Variants in SRP68 observed in about 807,000 individuals in gnomAD.
SRP68 encodes the protein signal recognition particle subunit SRP68.
A neutral mutation model predicts 82.2 loss-of-function variants in SRP68; 15 were observed. The ratio of observed to expected loss-of-function variants is 0.18; its 90% CI spans 0.12 to 0.28. The LOEUF (loss-of-function observed/expected upper bound fraction) is 0.28, where lower values mean the gene tolerates loss of function less well. SRP68 is among the 10% of genes least tolerant of loss of function. SRP68 has a pLI of 1.00. For synonymous variants in SRP68, 261 were observed against 292.6 expected (o/e 0.89, Z 1.10); for missense variants, 595 against 780.5 (o/e 0.76, Z 2.83).
At chr17:76,066,889 G>A (rs537440390) in intron 3 of SRP68, among the ~76,000 whole-genome samples, 17 of 151,956 alleles carry the variant, frequency 1.1e-4, no homozygotes, top group Non-Finnish European at 1.9e-4. Context: ...CACCATGCCC[G>A]GGTAATTTTT....
At chr17:76,057,309 G>T in intron 8 of SRP68, 94 bp downstream of exon 8, 1 of 1,491,410 alleles carries the variant, frequency 6.7e-7, no homozygotes, top group South Asian at 1.2e-5. Context: ...TTTGTTTTAT[G>T]AGAACTGAAT....
At chr17:76,068,294 A>G (rs2066822578) in intron 2 of SRP68, among the ~76,000 whole-genome samples, 1 of 144,124 alleles carries the variant, frequency 6.9e-6, no homozygotes, top group Non-Finnish European at 1.5e-5. Context: ...CTCCGTCTCG[A>G]AAAAAAAAAA....
chr17:76,044,459 G>A (rs983952237), intron 12 of SRP68, among the ~76,000 whole-genome samples: 1 of 152,178 alleles, frequency 6.6e-6, no homozygotes, highest in Non-Finnish European at 1.5e-5. Flanking sequence ...GAGTGAAGAC[G>A]GGGCATGCTG....
chr17:76,045,237 A>G (rs1366752270), intron 12 of SRP68, 55 bp downstream of exon 12: 1 of 1,406,418 alleles, frequency 7.1e-7, no homozygotes, highest in African/African-American at 1.4e-5. Context: ...TCATGCTCCC[A>G]ATGCTTATAG....
intron 8 of SRP68, among the ~76,000 whole-genome samples, chr17:76,050,844 C>T (rs917778256): frequency 4.6e-5 from 7 of 151,728 alleles, no homozygotes; most frequent in Admixed American, 2.0e-4. Flanking sequence ...TTCCCTGCAG[C>T]GCTTCACCCT....
rs543477355 is a variant in SRP68 at position 76,063,364 on chromosome 17, A to G, written c.561+612T>C. Among the ~76,000 whole-genome samples the G allele has an allele frequency of 2.6e-5, 4 of 152,308 alleles. No homozygotes were observed. The South Asian group carries it at 8.3e-4, about 32-fold the overall frequency. ...TACAAGATTGTAAGCTTTCATCTAT[A>G]TATCAAAACATGACCTTTCTTAAAA... On this transcript the variant is annotated intron_variant, in intron 4 of 15. Coordinates refer to ENST00000307877, the MANE Select transcript of SRP68 (RefSeq NM_014230.4).
chr17:76,072,154 C>T lies in SRP68; in HGVS notation c.184+154G>A. On this transcript the variant is annotated intron_variant, in intron 1 of 15. Transcript: ENST00000307877. The surrounding 1 kb of genome is among the most constrained non-coding windows in gnomAD (Gnocchi z 4.5). ...AAGACTAGTCGAGAGACAGACCCCC[C>T]CCGGAATTCTGAGCACCAAAAGGTA... 7.0e-7 allele frequency: 1 copy of T among 1,435,972 alleles called. No homozygotes were observed. Among genetic ancestry groups the T allele is most frequent in the Non-Finnish European group, 9.4e-7 (1 of 1,068,428 alleles). 89.0% of individuals were successfully genotyped at this position (1,435,972 alleles called of 1,614,324 possible). A position where few individuals can be genotyped will look rare whatever the true frequency, so the allele number is the denominator to read the frequency against.
rs576575690 is a variant in SRP68, at chr17:76,072,150, C to T, written c.184+158G>A. On this transcript the variant is annotated intron_variant, in intron 1 of 15. Coordinates refer to ENST00000307877, the MANE Select transcript of SRP68 (RefSeq NM_014230.4). This position sits in a 1 kb window ranked among gnomAD's most constrained non-coding sequence, Gnocchi z 4.5. Reference sequence around the variant, plus strand: ...AGGAAAGACTAGTCGAGAGACAGACCCCCCCCGGAATTCTGAGCACCAAAA... The same window carrying T: ...AGGAAAGACTAGTCGAGAGACAGACTCCCCCCGGAATTCTGAGCACCAAAA... The T allele has an allele frequency of 1.4e-6, 2 of 1,400,918 alleles. No homozygotes were observed. Among genetic ancestry groups the T allele is most frequent in the African/African-American group, 1.5e-5 (1 of 67,082 alleles). 86.8% of individuals were successfully genotyped at this position (1,400,918 alleles called of 1,614,324 possible).
intron 4 of SRP68, among the ~76,000 whole-genome samples, chr17:76,063,052 G>A (rs745621611): frequency 6.6e-6 from 1 of 151,562 alleles, no homozygotes; most frequent in Non-Finnish European, 1.5e-5. Flanking sequence ...TTACAGGCGT[G>A]AGCCACCACG....
intron 3 of SRP68, among the ~76,000 whole-genome samples, chr17:76,066,216 A>C (rs1598270347): frequency 1.3e-5 from 2 of 151,974 alleles, no homozygotes; most frequent in South Asian, 4.1e-4. Context: ...TTTGGAAGGC[A>C]AGAGGTGGGT....
chr17:76,072,139 G>A lies in SRP68; in HGVS notation c.184+169C>T, dbSNP rs1232889886. On this transcript the variant is annotated intron_variant, in intron 1 of 15. Coordinates refer to ENST00000307877, the MANE Select transcript of SRP68 (RefSeq NM_014230.4). The surrounding 1 kb of genome is among the most constrained non-coding windows in gnomAD (Gnocchi z 4.5). Reference sequence around the variant, plus strand: ...AGGGGGACACGAGGAAAGACTAGTCGAGAGACAGACCCCCCCCGGAATTCT... The same window carrying A: ...AGGGGGACACGAGGAAAGACTAGTCAAGAGACAGACCCCCCCCGGAATTCT... 8.4e-6 allele frequency: 11 copies of A among 1,315,446 alleles called. No individual in the cohort carries two copies. In the South Asian group the frequency reaches 1.2e-4, roughly 15 times the overall value. 81.5% of individuals were successfully genotyped at this position (1,315,446 alleles called of 1,614,324 possible).
Position 76,072,146 on chromosome 17 carries a change from A to C in SRP68, c.184+162T>G. On this transcript the variant is annotated intron_variant, in intron 1 of 15. Transcript: ENST00000307877. The surrounding 1 kb of genome is among the most constrained non-coding windows in gnomAD (Gnocchi z 4.5). ...CACGAGGAAAGACTAGTCGAGAGAC[A>C]GACCCCCCCCGGAATTCTGAGCACC... 5 of 1,280,038 alleles carry C rather than the reference A, an allele frequency of 3.9e-6. No homozygotes were observed. The highest frequency in any genetic ancestry group is 5.3e-6 in the Non-Finnish European group (5 of 944,408). 79.3% of individuals were successfully genotyped at this position (1,280,038 alleles called of 1,614,324 possible).
chr17:76,057,702 T>C (rs2066722281), intron 7 of SRP68, among the ~76,000 whole-genome samples, 159 bp from the exon 8 acceptor site: 2 of 152,196 alleles, frequency 1.3e-5, no homozygotes, highest in South Asian at 4.1e-4. Flanking sequence ...TTTGAGACAG[T>C]CTTGCTCTGT....
At position 76,055,135 on chromosome 17, in the gene SRP68, T is replaced by C. The variant is rs190377780; in HGVS notation, c.978+2268A>G. Among the ~76,000 whole-genome samples, 769 of 151,946 alleles carry C rather than the reference T, an allele frequency of 5.1e-3. 3 individuals carry two copies. Among genetic ancestry groups the C allele is most frequent in the Middle Eastern group, 0.02 (6 of 294 alleles). ...CCACACCCGGCTAATTTTTTTTTTG[T>C]ACTTTTAGTAGAGATGGGGTTTCAC... On this transcript the variant is annotated intron_variant, in intron 8 of 15. Coordinates refer to ENST00000307877, the MANE Select transcript of SRP68 (RefSeq NM_014230.4).
intron 12 of SRP68, 68 bp downstream of exon 12, chr17:76,045,224 G>A: frequency 8.1e-7 from 1 of 1,232,456 alleles, no homozygotes. Flanking sequence ...GCTGTGGGCT[G>A]GGTCATGCTC....
intron 13 of SRP68, among the ~76,000 whole-genome samples, chr17:76,042,869 G>A (rs1007910991): frequency 9.2e-5 from 14 of 152,146 alleles, no homozygotes; most frequent in Non-Finnish European, 2.1e-4. Flanking sequence ...ACAGGCATGA[G>A]CCACTGCATC....
chr17:76,062,012 C>T (rs945866295), intron 4 of SRP68, among the ~76,000 whole-genome samples: 2 of 151,184 alleles, frequency 1.3e-5, no homozygotes, highest in African/African-American at 2.4e-5. Flanking sequence ...TGTGGCCAGG[C>T]GCAGTGGCTC....
chr17:76,063,792 TA>T (rs1003947816), intron 4 of SRP68, among the ~76,000 whole-genome samples, 183 bp downstream of exon 4: 1 of 151,532 alleles, frequency 6.6e-6, no homozygotes, highest in Non-Finnish European at 1.5e-5. Context: ...AAAAAAAGGA[TA>T]AAAAAAATCA....
intron 3 of SRP68, among the ~76,000 whole-genome samples, chr17:76,064,904 C>T (rs1259118448): frequency 1.3e-5 from 2 of 151,624 alleles, no homozygotes; most frequent in African/African-American, 2.4e-5. Flanking sequence ...CTCCAGAGCC[C>T]GGGACAGAAT....
Sources: gnomAD v4.1 joint callset for allele counts (sites outside exome capture counted in the v4.1 genomes callset) on GRCh38, gnomAD v4.1.1 for gene constraint, Gnocchi (gnomAD v3.1) non-coding constraint, MANE v1.5 for transcripts, NCBI Gene and HGNC (gene_info 2026-07-23, HGNC 2026-07-21) for gene names.